Variants in PDZRN3 observed in about 807,000 individuals in gnomAD.
PDZRN3 encodes the protein E3 ubiquitin-protein ligase PDZRN3.
Under a neutral mutation model 85.7 loss-of-function variants are expected in PDZRN3, and 38 were observed. The observed-to-expected ratio is 0.44, with a 90% CI of 0.34 to 0.58. The LOEUF (loss-of-function observed/expected upper bound fraction) is 0.58. Ranked by LOEUF, PDZRN3 falls within the 20% of genes least tolerant of loss-of-function variation. PDZRN3 has a pLI of 0.01. For missense variants in PDZRN3, 1,629 were observed against 1,506.4 expected, an observed-to-expected ratio of 1.08 and a Z score of -1.35; for synonymous variants, 759 against 638.0, an observed-to-expected ratio of 1.19 and a Z score of -2.86.
At chr3:73,399,355 T>C (rs2106715853) in intron 5 of PDZRN3, among the ~76,000 whole-genome samples, 1 of 152,300 alleles carries the variant, frequency 6.6e-6, no homozygotes, top group South Asian at 2.1e-4. Context: ...CAGAGAACTG[T>C]AGACTGAGGA....
chr3:73,535,761 G>T (rs1226047178), intron 3 of PDZRN3, among the ~76,000 whole-genome samples: 1 of 152,134 alleles, frequency 6.6e-6, no homozygotes, highest in Non-Finnish European at 1.5e-5. Context: ...GTTACATATG[G>T]TGTAAATCTC....
chr3:73,457,502 G>A (rs75043949), intron 3 of PDZRN3, among the ~76,000 whole-genome samples: 6,371 of 152,076 alleles, frequency 0.042, 434 homozygotes, highest in African/African-American at 0.14. Context: ...ACCAACTCTG[G>A]GATATTGACA....
At chr3:73,415,484 A>G (rs994654874) in intron 3 of PDZRN3, among the ~76,000 whole-genome samples, 1 of 152,200 alleles carries the variant, frequency 6.6e-6, no homozygotes, top group African/African-American at 2.4e-5. Context: ...GATGTACAGC[A>G]TATTTTGCTA....
At chr3:73,569,886 G>A (rs183001871) in intron 3 of PDZRN3, among the ~76,000 whole-genome samples, 18 of 152,308 alleles carry the variant, frequency 1.2e-4, no homozygotes, top group Admixed American at 3.3e-4. Flanking sequence ...TCTGTAAATG[G>A]AAATGACAGT....
At position 73,429,845 on chromosome 3, in the gene PDZRN3, G is replaced by A. The variant is rs150203184; in HGVS notation, c.919-25450C>T. ...GCCAGTGGGAACTCTGTGTTACTCCGGAGCTCATTTTTCTCTGCACATCAC... is the reference window on the plus strand; with the variant it reads ...GCCAGTGGGAACTCTGTGTTACTCCAGAGCTCATTTTTCTCTGCACATCAC... On this transcript the variant is annotated intron_variant, in intron 3 of 9. Coordinates refer to ENST00000263666, the MANE Select transcript of PDZRN3 (RefSeq NM_015009.3). Among the ~76,000 whole-genome samples, 323 of 152,188 alleles carry A rather than the reference G, an allele frequency of 2.1e-3. 3 individuals carry two copies. The highest frequency in any genetic ancestry group is 7.4e-3 in the African/African-American group (308 of 41,532).
At chr3:73,609,724 T>G (rs1409701459) in intron 1 of PDZRN3, among the ~76,000 whole-genome samples, 2 of 152,314 alleles carry the variant, frequency 1.3e-5, no homozygotes, top group East Asian at 3.9e-4. Context: ...ACAAGAGAGA[T>G]TTTACTCTGA....
chr3:73,389,801 T>TGGAAG lies in PDZRN3; in HGVS notation c.1416+10_1416+14dup, dbSNP rs779414006. 6.3e-7 allele frequency: 1 copy of TGGAAG among 1,597,630 alleles called. No individual in the cohort carries two copies. Among genetic ancestry groups the TGGAAG allele is most frequent in the East Asian group, 2.2e-5 (1 of 44,812 alleles). ...ATAGGCCCATCATGAGGCCATTGTTTGGAAGTGGACTTACCTGGATAATGC... is the reference window on the plus strand; with the variant it reads ...ATAGGCCCATCATGAGGCCATTGTTTGGAAGGGAAGTGGACTTACCTGGATAATGC... On this transcript the variant is annotated intron_variant, in intron 7 of 9. Coordinates refer to ENST00000263666, the MANE Select transcript of PDZRN3 (RefSeq NM_015009.3).
intron 3 of PDZRN3, among the ~76,000 whole-genome samples, chr3:73,576,097 T>G (rs1437609914): frequency 1.3e-5 from 2 of 149,188 alleles, no homozygotes; most frequent in African/African-American, 2.5e-5. Flanking sequence ...ATTACACACA[T>G]GCATGCATAC....
intron 3 of PDZRN3, among the ~76,000 whole-genome samples, chr3:73,493,736 G>A (rs4535166): frequency 0.97 from 148,087 of 152,306 alleles, 72,100 homozygotes; most frequent in East Asian, 1. Flanking sequence ...GGCCTGGCTA[G>A]TCAGATTGCT....
At chr3:73,561,657 C>T (rs1336590311) in intron 3 of PDZRN3, 2 of 152,200 alleles carry the variant, frequency 1.3e-5, no homozygotes, top group South Asian at 4.1e-4. Flanking sequence ...AAATGATGCA[C>T]TCACATGGTG....
At chr3:73,609,695 A>C (rs1343060551) in intron 1 of PDZRN3, among the ~76,000 whole-genome samples, 1 of 152,228 alleles carries the variant, frequency 6.6e-6, no homozygotes, top group African/African-American at 2.4e-5. Context: ...TGTTTTAAAC[A>C]TAACACTGAC....
chr3:73,539,145 C>T lies in PDZRN3; in HGVS notation c.918+63209G>A, dbSNP rs185706365. Among the ~76,000 whole-genome samples the T allele has an allele frequency of 7.2e-5, 11 of 152,282 alleles. No homozygotes were observed. In the East Asian group the frequency reaches 2.1e-3, roughly 29 times the overall value. ...CTTCGCTGGCTTTACCACCTCTCTA[C>T]AAATATAACTTAAAGTCATTATTCC... On this transcript the variant is annotated intron_variant, in intron 3 of 9. Transcript: ENST00000263666.
chr3:73,453,457 CG>C (rs1702915810), intron 3 of PDZRN3, among the ~76,000 whole-genome samples: 1 of 148,748 alleles, frequency 6.7e-6, no homozygotes, highest in African/African-American at 2.5e-5. Context: ...AGAAAGAATT[CG>C]CTGTTAATTC....
chr3:73,401,211 C>T, intron 4 of PDZRN3: 1 of 513,874 alleles, frequency 1.9e-6, no homozygotes, highest in Non-Finnish European at 3.5e-6. Flanking sequence ...TACATTTCCT[C>T]CTGAAGGACT....
intron 3 of PDZRN3, among the ~76,000 whole-genome samples, chr3:73,518,104 C>T (rs1704286618): frequency 6.6e-6 from 1 of 152,114 alleles, no homozygotes; most frequent in African/African-American, 2.4e-5. Context: ...GTAGAAGCAA[C>T]CCAAGTGTTC....
At chr3:73,552,270 C>A (rs1304288532) in intron 3 of PDZRN3, among the ~76,000 whole-genome samples, 1 of 146,808 alleles carries the variant, frequency 6.8e-6, no homozygotes, top group Non-Finnish European at 1.5e-5. Context: ...ACCCAAACAC[C>A]TTAGAACAGT....
At chr3:73,442,895 T>C (rs1702669888) in intron 3 of PDZRN3, among the ~76,000 whole-genome samples, 1 of 152,124 alleles carries the variant, frequency 6.6e-6, no homozygotes, top group South Asian at 2.1e-4. Flanking sequence ...CCTAGGTCCC[T>C]GTGGTGTTGT....
intron 3 of PDZRN3, among the ~76,000 whole-genome samples, chr3:73,416,865 G>GTTTGTTTTTTT (rs1702092738): frequency 1.2e-5 from 1 of 83,014 alleles, no homozygotes; most frequent in African/African-American, 4.3e-5. Context: ...TTTTTTGTTT[G>GTTTGTTTTTTT]TTTTTTTTTG....
intron 3 of PDZRN3, among the ~76,000 whole-genome samples, chr3:73,523,014 G>A (rs115183454): frequency 4.8e-5 from 7 of 146,414 alleles, no homozygotes; most frequent in African/African-American, 1.5e-4. Context: ...AGTTTTTTTT[G>A]TTTGTTTGTT....
Sources: allele counts gnomAD v4.1 joint callset (sites outside exome capture counted in the v4.1 genomes callset), GRCh38; gene constraint gnomAD v4.1.1; transcripts MANE v1.5; gene names NCBI Gene and HGNC (gene_info 2026-07-23, HGNC 2026-07-21).